CLCN4: variants seen among roughly 807,000 people sequenced by gnomAD.
CLCN4 encodes the protein H(+)/Cl(-) exchange transporter 4.
A neutral mutation model predicts 41.7 loss-of-function variants in CLCN4; 1 was observed. That is an observed-to-expected ratio of 0.02 (90% CI 0.01 to 0.11). The LOEUF is 0.11. CLCN4 is among the 10% of genes least tolerant of loss of function. The pLI is 1.00. For synonymous variants in CLCN4, 277 were observed against 285.8 expected, an observed-to-expected ratio of 0.97 and a Z score of 0.31; for missense variants, 287 against 661.0, an observed-to-expected ratio of 0.43 and a Z score of 6.20.
chrX:10,176,888 TG>T (rs1466064670), intron 2 of CLCN4, among the ~76,000 whole-genome samples: 1 of 112,130 alleles, frequency 8.9e-6, no homozygotes, highest in East Asian at 2.8e-4. Flanking sequence ...CAGCGTTTTA[TG>T]GACGGTGTAA....
chrX:10,179,285 AG>A (rs35088437), intron 2 of CLCN4, among the ~76,000 whole-genome samples: 1 of 111,355 alleles, frequency 9.0e-6, no homozygotes, highest in African/African-American at 3.3e-5. Context: ...ACTGGGCTGA[AG>A]GGGCAGGGGA....
At chrX:10,201,741 A>C (rs1249577131) in intron 6 of CLCN4, among the ~76,000 whole-genome samples, 1 of 112,528 alleles carries the variant, frequency 8.9e-6, no homozygotes, top group African/African-American at 3.2e-5. Context: ...AAAATTGCTC[A>C]TCCTCCCTAG....
chrX:10,195,390 G>A (rs1181189975), intron 5 of CLCN4, among the ~76,000 whole-genome samples: 1 of 109,893 alleles, frequency 9.1e-6, no homozygotes, highest in Non-Finnish European at 1.9e-5. Flanking sequence ...TTTTCTTACC[G>A]AAGGTGGTTT....
intron 2 of CLCN4, among the ~76,000 whole-genome samples, chrX:10,182,317 A>G (rs1923703863): frequency 8.9e-6 from 1 of 112,364 alleles, no homozygotes; most frequent in East Asian, 2.8e-4. Flanking sequence ...TAAAACAACA[A>G]CCATTCATTA....
At chrX:10,219,095 T>G (rs781169577) in intron 11 of CLCN4, among the ~76,000 whole-genome samples, 3 of 112,865 alleles carry the variant, frequency 2.7e-5, no homozygotes, top group Non-Finnish European at 5.6e-5. Context: ...GAATCAGGGC[T>G]TCTAACCCAA....
Position 10,191,692 on chromosome X carries a change from A to ATTTTTTTTTTTTTTTTTTTTT in CLCN4, c.245-3211_245-3191dup, listed in dbSNP as rs760315418. Among the ~76,000 whole-genome samples the ATTTTTTTTTTTTTTTTTTTTT allele has an allele frequency of 3.2e-4, 16 of 49,770 alleles. 1 individual carries two copies. Among genetic ancestry groups the ATTTTTTTTTTTTTTTTTTTTT allele is most frequent in the African/African-American group, 1.3e-3 (14 of 10,846 alleles). The allele number at this position is 49,770 out of a possible 115,157, so 43.2% of individuals were successfully genotyped here. ...AGGCGCGTGCCACCATATCTGGTTAATTTTTTTTTTTTTTTTTTTTTTTTT... is the reference window on the plus strand; with the variant it reads ...AGGCGCGTGCCACCATATCTGGTTAATTTTTTTTTTTTTTTTTTTTTTTTTTTTTTTTTTTTTTTTTTTTTT... On this transcript the variant is annotated intron_variant, in intron 4 of 12. Coordinates refer to ENST00000380833, the MANE Select transcript of CLCN4 (RefSeq NM_001830.4).
intron 2 of CLCN4, among the ~76,000 whole-genome samples, chrX:10,161,431 A>G (rs1427396579): frequency 9.0e-6 from 1 of 111,682 alleles, no homozygotes; most frequent in Non-Finnish European, 1.9e-5. Flanking sequence ...ACAAGGTAAT[A>G]TCATGAAAGA....
intron 6 of CLCN4, among the ~76,000 whole-genome samples, chrX:10,205,125 T>A (rs1331813786): frequency 5.4e-5 from 6 of 111,131 alleles, no homozygotes; most frequent in Non-Finnish European, 1.1e-4. Flanking sequence ...GAATGATGCT[T>A]CCTTCTAGTA....
chrX:10,219,968 C>T (rs1161592680), intron 11 of CLCN4, among the ~76,000 whole-genome samples: 1 of 112,158 alleles, frequency 8.9e-6, no homozygotes, highest in Non-Finnish European at 1.9e-5. Context: ...TTTCACATGG[C>T]CTTTTCTATA....
chrX:10,176,105 A>G (rs1012208098), intron 2 of CLCN4, among the ~76,000 whole-genome samples: 1 of 111,955 alleles, frequency 8.9e-6, no homozygotes, highest in Non-Finnish European at 1.9e-5. Flanking sequence ...AAATAATCCT[A>G]AGGGGAATGA....
chrX:10,165,629 C>T (rs1923230046), intron 2 of CLCN4, among the ~76,000 whole-genome samples: 1 of 112,283 alleles, frequency 8.9e-6, no homozygotes, highest in South Asian at 3.7e-4. Flanking sequence ...CGATGCTTCC[C>T]GATGGGCTGA....
intron 10 of CLCN4, 128 bp from the exon 11 acceptor site, chrX:10,213,553 C>G (rs190558383): frequency 9.5e-4 from 586 of 616,639 alleles, no homozygotes; most frequent in Middle Eastern, 3.2e-3. Flanking sequence ...GTGTAGGAAG[C>G]ATGTAGGAGA....
chrX:10,200,174 C>T (rs763208698), intron 6 of CLCN4, among the ~76,000 whole-genome samples: 8 of 111,472 alleles, frequency 7.2e-5, no homozygotes, highest in African/African-American at 2.6e-4. Context: ...ACTGCAGGCA[C>T]GTGCCACCAT....
chrX:10,187,548 TTCA>T lies in CLCN4; in HGVS notation c.182_184del (p.Ile61del). ...CAAGAGCAAGGAGTCCATATGGGAG[TTCA>T]TCAAGAGCCTGCTGGATGCCTGGTC... On this transcript the variant is annotated inframe_deletion, in exon 4 of 13. Coordinates refer to ENST00000380833, the MANE Select transcript of CLCN4 (RefSeq NM_001830.4). The T allele has an allele frequency of 8.3e-7, 1 of 1,210,121 alleles. No homozygotes were observed. The highest frequency in any genetic ancestry group is 1.1e-6 in the Non-Finnish European group (1 of 894,342).
At chrX:10,207,804 A>T (rs983593541) in intron 8 of CLCN4, among the ~76,000 whole-genome samples, 2 of 111,710 alleles carry the variant, frequency 1.8e-5, no homozygotes, top group Admixed American at 1.9e-4. Flanking sequence ...ATTATGATTA[A>T]ATACTTTTCT....
intron 2 of CLCN4, among the ~76,000 whole-genome samples, chrX:10,166,049 T>C (rs184688305): frequency 1.3e-3 from 142 of 112,082 alleles, no homozygotes; most frequent in African/African-American, 4.4e-3. Context: ...AAATAGGTTG[T>C]TGTGGAGAAA....
At chrX:10,200,175 G>A (rs977211547) in intron 6 of CLCN4, among the ~76,000 whole-genome samples, 1 of 111,762 alleles carries the variant, frequency 8.9e-6, no homozygotes, top group African/African-American at 3.3e-5. Flanking sequence ...CTGCAGGCAC[G>A]TGCCACCATG....
Position 10,225,319 on chromosome X carries a change from G to C in CLCN4, c.2192+4442G>C, listed in dbSNP as rs779444890. ...CTGATGTGAGATGGCATCTCATTGT[G>C]GGTTTGATTTGCATTTCCCTAATGA... On this transcript the variant is annotated intron_variant, in intron 12 of 12. Transcript: ENST00000380833. Among the ~76,000 whole-genome samples the C allele has an allele frequency of 7.1e-5, 8 of 112,299 alleles. No individual in the cohort carries two copies. In the East Asian group the frequency reaches 2.2e-3, roughly 31 times the overall value.
intron 2 of CLCN4, among the ~76,000 whole-genome samples, chrX:10,178,500 G>C (rs1050048056): frequency 6.3e-5 from 7 of 111,853 alleles, no homozygotes; most frequent in African/African-American, 2.3e-4. Flanking sequence ...CAAGCCAGTT[G>C]AGTAGCACAG....
Sources: gnomAD v4.1 joint callset for allele counts (sites outside exome capture counted in the v4.1 genomes callset) on GRCh38, gnomAD v4.1.1 for gene constraint, MANE v1.5 for transcripts, NCBI Gene and HGNC (gene_info 2026-07-23, HGNC 2026-07-21) for gene names.